Variants in BTK observed in about 807,000 individuals in gnomAD.
BTK encodes tyrosine-protein kinase BTK.
A neutral mutation model predicts 57.4 loss-of-function variants in BTK; 5 were observed. The ratio of observed to expected loss-of-function variants is 0.09; its 90% CI spans 0.05 to 0.18. BTK has a LOEUF of 0.18. Among genes scored for constraint, BTK ranks in the 10% least tolerant of loss-of-function variants. The pLI, the probability that BTK is intolerant of heterozygous loss-of-function variation, is 1.00. For missense variants in BTK, 194 were observed against 501.2 expected (o/e 0.39, Z 5.85); for synonymous variants, 154 against 174.3 (o/e 0.88, Z 0.92).
At chrX:101,374,398 G>A (rs1927138088) in intron 3 of BTK, 138 bp downstream of exon 3, 1 of 550,537 alleles carries the variant, frequency 1.8e-6, no homozygotes, top group Non-Finnish European at 3.2e-6. Context: ...AACCAATATG[G>A]TAGAGTGAAG....
At chrX:101,387,870 G>GT (rs782432904), upstream of BTK, among the ~76,000 whole-genome samples, 6,368 of 95,498 alleles carry the variant, frequency 0.067, 265 homozygotes, top group African/African-American at 0.14. Flanking sequence ...CTTTTCTTCA[G>GT]TTTTTTTTTT....
In BTK at chrX:101,362,228, C is replaced by G. The variant is rs1926695507; in HGVS notation, c.533G>C (p.Gly178Ala). ...LENRNGSLKP[G>A]SSHRKTKKPL... ...CTTTTTTGTCTTCCGGTGAGAACTC[C>G]CAGGTTTTAAGCCTGCAAAACAAGA... The change falls in exon 7 of 19, where the codon GGG becomes GCG. Residue 178 changes from glycine (G) to alanine (A), a missense_variant. Gly to Ala is a moderately conservative substitution (Grantham distance 60). Transcript: ENST00000308731. 1 of 1,210,078 alleles carries G rather than the reference C, an allele frequency of 8.3e-7. No homozygotes were observed. Among genetic ancestry groups the G allele is most frequent in the Non-Finnish European group, 1.1e-6 (1 of 895,179 alleles).
chrX:101,362,321 G>A lies in BTK; in HGVS notation c.521-81C>T, dbSNP rs781942675. The A allele has an allele frequency of 8.7e-5, 96 of 1,107,872 alleles. No homozygotes were observed. The South Asian group carries it at 1.2e-3, about 13-fold the overall frequency. 91.3% of individuals were successfully genotyped at this position (1,107,872 alleles called of 1,213,427 possible). A position where few individuals can be genotyped will look rare whatever the true frequency, so the allele number is the denominator to read the frequency against. ...GACAGGTTTGGTCAGGGACTTTGCC[G>A]TCCATATTGAGTGCCTTTAGGCAAG... On this transcript the variant is annotated intron_variant, in intron 6 of 18. Transcript: ENST00000308731.
intron 17 of BTK, 72 bp downstream of exon 17, chrX:101,353,798 G>T (rs2041355464): frequency 2.3e-6 from 2 of 865,597 alleles, no homozygotes; most frequent in Non-Finnish European, 3.4e-6. Flanking sequence ...TGTGGAGGTT[G>T]CAAAGTGTGA....
At chrX:101,355,251 TGGGCAACAGAGC>T (rs1200189194) in intron 15 of BTK, among the ~76,000 whole-genome samples, 2 of 112,369 alleles carry the variant, frequency 1.8e-5, no homozygotes, top group Non-Finnish European at 3.8e-5. Flanking sequence ...CACTCTAGCC[TGGGCAACAGAGC>T]GAGACTCCAT....
Position 101,370,026 on chromosome X carries a change from C to T in BTK, c.363G>A (p.Arg121=), listed in dbSNP as rs781811193. The part of the protein sequence containing the change: ...LYVFSPTEEL[R]KRWIHQLKNV... Reference sequence around the variant, plus strand: ...TTTTGAGCTGGTGAATCCACCGCTTCCTTAGTTCTTCAGTTGGGGAGAAGA... The same window carrying T: ...TTTTGAGCTGGTGAATCCACCGCTTTCTTAGTTCTTCAGTTGGGGAGAAGA... The change falls in exon 5 of 19, where the codon AGG becomes AGA. Residue 121 remains arginine (R), a synonymous_variant. Coordinates refer to ENST00000308731, the MANE Select transcript of BTK (RefSeq NM_000061.3). 5 of 1,209,117 alleles carry T rather than the reference C, an allele frequency of 4.1e-6. No individual in the cohort carries two copies. Among genetic ancestry groups the T allele is most frequent in the Non-Finnish European group, 5.6e-6 (5 of 894,856 alleles).
chrX:101,364,868 AGT>A (rs1312143407), intron 5 of BTK, among the ~76,000 whole-genome samples: 1 of 110,597 alleles, frequency 9.0e-6, no homozygotes, highest in Non-Finnish European at 1.9e-5. Context: ...CAGCCTCCCG[AGT>A]AGCTGGGACT....
chrX:101,372,486 C>G (rs967024177), intron 3 of BTK, among the ~76,000 whole-genome samples: 1 of 109,323 alleles, frequency 9.1e-6, no homozygotes, highest in African/African-American at 3.3e-5. Context: ...CTTGCTCTGT[C>G]GTCCAGCCTG....
In BTK at chrX:101,374,604, C is replaced by T. The variant is rs1927145834; in HGVS notation, c.172G>A (p.Val58Ile). The part of the protein sequence containing the change: ...RRGSKKGSID[V>I]EKITCVETVV... ...GTTTCAACACAAGTGATCTTCTCAACATCTATTGAACCCTTCTTACTGCCT... is the reference window on the plus strand; with the variant it reads ...GTTTCAACACAAGTGATCTTCTCAATATCTATTGAACCCTTCTTACTGCCT... The change falls in exon 3 of 19, where the codon GTT becomes ATT. Residue 58 changes from valine to isoleucine, a missense_variant. Coordinates refer to ENST00000308731, the MANE Select transcript of BTK (RefSeq NM_000061.3). 1 of 1,210,306 alleles carries T rather than the reference C, an allele frequency of 8.3e-7. No individual in the cohort carries two copies. The highest frequency in any genetic ancestry group is 1.1e-6 in the Non-Finnish European group (1 of 894,178).
chrX:101,353,799 C>A, intron 17 of BTK, 71 bp downstream of exon 17: 1 of 894,245 alleles, frequency 1.1e-6, no homozygotes, highest in Non-Finnish European at 1.6e-6. Context: ...GTGGAGGTTG[C>A]AAAGTGTGAA....
intron 5 of BTK, among the ~76,000 whole-genome samples, chrX:101,367,014 C>A (rs1926872124): frequency 9.0e-6 from 1 of 111,584 alleles, no homozygotes; most frequent in Admixed American, 9.5e-5. Flanking sequence ...GAGGCCGAGG[C>A]AGGTGGATCA....
chrX:101,369,743 CTTTGTTA>C (rs1428495103), intron 5 of BTK, among the ~76,000 whole-genome samples: 3 of 78,124 alleles, frequency 3.8e-5, no homozygotes, highest in Non-Finnish European at 8.4e-5. Context: ...TCCTTTGTTT[CTTTGTTA>C]TTTGTCTTTC....
At chrX:101,359,381 G>A (rs781898360) in intron 9 of BTK, 34 bp from the exon 10 acceptor site, 3 of 1,193,085 alleles carry the variant, frequency 2.5e-6, no homozygotes, top group Non-Finnish European at 1.1e-6. Context: ...AGTGGCTCCT[G>A]GTCATAAGCA....
chrX:101,360,195 C>T (rs1162398419), intron 8 of BTK, 45 bp from the exon 9 acceptor site: 1 of 981,197 alleles, frequency 1.0e-6, no homozygotes, highest in Non-Finnish European at 1.4e-6. Flanking sequence ...CCTCCCCAGC[C>T]TCCAGGAGAC....
At chrX:101,388,309 T>C (rs1033800970), upstream of BTK, among the ~76,000 whole-genome samples, 3 of 111,157 alleles carry the variant, frequency 2.7e-5, no homozygotes, top group African/African-American at 9.8e-5. Flanking sequence ...AAAGAGCAAG[T>C]AGACGTAGGC....
At position 101,356,143 on chromosome X, in the gene BTK, C is replaced by T. The variant is rs782338603; in HGVS notation, c.1475G>A (p.Arg492His). Residue 492 changes from arginine (R) to histidine (H), a missense_variant, in exon 15 of 19, where the codon CGC becomes CAC. Around this residue, in one of 3 missense-constraint regions of BTK, gnomAD observed 79 missense variants for 217.7 expected, o/e 0.36. Coordinates refer to ENST00000308731, the MANE Select transcript of BTK (RefSeq NM_000061.3). Reference protein sequence around the residue: ...LLNYLREMRHRFQTQQLLEMC... With the variant: ...LLNYLREMRHHFQTQQLLEMC... ...CTCTAGCAGCTGCTGAGTCTGGAAG[C>T]GGTGGCGCATCTCCCTCAGGTAGTT... 9.1e-6 allele frequency: 11 copies of T among 1,211,290 alleles called. No homozygotes were observed. The highest frequency in any genetic ancestry group is 2.2e-5 in the Admixed American group (1 of 45,999).
chrX:101,365,672 G>A (rs998939885), intron 5 of BTK, among the ~76,000 whole-genome samples: 3 of 112,388 alleles, frequency 2.7e-5, no homozygotes, highest in Non-Finnish European at 5.6e-5. Context: ...TTCTGTTTCA[G>A]GCATACATGA....
chrX:101,362,295 G>C, intron 6 of BTK, 55 bp from the exon 7 acceptor site: 2 of 1,167,182 alleles, frequency 1.7e-6, no homozygotes, highest in Non-Finnish European at 2.3e-6. Context: ...AAGGGGCCAA[G>C]GACAGGTTTG....
chrX:101,360,416 G>A (rs1479556773), intron 8 of BTK, 152 bp downstream of exon 8: 5 of 625,894 alleles, frequency 8.0e-6, no homozygotes, highest in South Asian at 2.6e-5. Flanking sequence ...GGAGCTGCAC[G>A]CTGGGAAGTA....
Sources: gnomAD v4.1 joint callset for allele counts (sites outside exome capture counted in the v4.1 genomes callset) on GRCh38, gnomAD v4.1.1 for gene constraint, gnomAD v4.1.1 regional missense constraint, MANE v1.5 for transcripts, NCBI Gene and HGNC (gene_info 2026-07-23, HGNC 2026-07-21) for gene names.